The following IRAK3 variants were observed in gnomAD, a reference collection of about 807,000 sequenced individuals.
The protein encoded by IRAK3 is interleukin 1 receptor associated kinase 3, also known as interleukin-1 receptor-associated kinase 3.
Under a neutral mutation model 56.6 loss-of-function variants are expected in IRAK3, and 57 were observed. The ratio of observed to expected loss-of-function variants is 1.01; its 90% CI spans 0.81 to 1.26. The LOEUF (loss-of-function observed/expected upper bound fraction) is 1.26, where lower values mean the gene tolerates loss of function less well. IRAK3 is among the 50% of genes most tolerant of loss of function. The pLI is 0.00. For missense variants in IRAK3, 703 were observed against 719.0 expected (o/e 0.98, Z 0.25); for synonymous variants, 258 against 255.7 (o/e 1.01, Z -0.09).
intron 11 of IRAK3, 83 bp downstream of exon 11, chr12:66,245,345 A>T (rs1456373530): frequency 2.1e-6 from 3 of 1,416,926 alleles, no homozygotes; most frequent in Admixed American, 3.4e-5. Flanking sequence ...TATCTAAGTG[A>T]ATTATTTGTT....
chr12:66,198,210 T>G, intron 1 of IRAK3: 1 of 575,584 alleles, frequency 1.7e-6, no homozygotes, highest in East Asian at 1.4e-4. Context: ...GAAGTTAAGT[T>G]CATATGCTAA....
Position 66,233,994 on chromosome 12 carries a change from C to A in IRAK3, c.887+5624C>A. 3 of 1,501,278 alleles carry A rather than the reference C, an allele frequency of 2.0e-6. No individual in the cohort carries two copies. The South Asian group carries it at 3.5e-5, about 17-fold the overall frequency. The allele number at this position is 1,501,278 out of a possible 1,614,324, so 93.0% of individuals were successfully genotyped here. On this transcript the variant is annotated intron_variant, in intron 8 of 11. Transcript: ENST00000261233. ...AAATTGTCAATAATTTCCTAAAGCACAATTGATCAGAAAAATCCATGATTG... is the reference window on the plus strand; with the variant it reads ...AAATTGTCAATAATTTCCTAAAGCAAAATTGATCAGAAAAATCCATGATTG...
At chr12:66,200,643 G>A (rs1273230215) in intron 1 of IRAK3, among the ~76,000 whole-genome samples, 1 of 152,148 alleles carries the variant, frequency 6.6e-6, no homozygotes, top group African/African-American at 2.4e-5. Context: ...ATAAAGTTGA[G>A]GTAAATTGAA....
At position 66,228,236 on chromosome 12, in the gene IRAK3, G is replaced by T. The variant is rs767580609; in HGVS notation, c.769-16G>T. ...CTCAGAAAGTGCAACCAAACCAATT[G>T]CTGTTGTTGTTTTAGGGTGACACGG... On this transcript the variant is annotated splice_polypyrimidine_tract_variant and intron_variant, in intron 7 of 11. Coordinates refer to ENST00000261233, the MANE Select transcript of IRAK3 (RefSeq NM_007199.3). 8 of 1,577,836 alleles carry T rather than the reference G, an allele frequency of 5.1e-6. No homozygotes were observed. In the South Asian group the frequency reaches 8.9e-5, roughly 17 times the overall value.
intron 6 of IRAK3, among the ~76,000 whole-genome samples, chr12:66,220,161 C>G (rs898765031): frequency 6.6e-6 from 1 of 152,088 alleles, no homozygotes; most frequent in African/African-American, 2.4e-5. Context: ...ATGTTTTCTT[C>G]CAGATTTGTA....
Position 66,252,691 on chromosome 12 carries a change from TGGTTCTCCTGTCATA to T in IRAK3, c.*4524_*4538del, listed in dbSNP as rs2053112474. ...ATATGTAAGTGAATAAATCTCAGGG[TGGTTCTCCTGTCATA>T]GGTCCTGGCTCCTCTGCCAGCTCTT... On this transcript the variant is annotated 3_prime_UTR_variant, in exon 12 of 12. Transcript: ENST00000261233. 1 of 152,174 alleles carries T rather than the reference TGGTTCTCCTGTCATA, an allele frequency of 6.6e-6. No individual in the cohort carries two copies. The highest frequency in any genetic ancestry group is 2.4e-5 in the African/African-American group (1 of 41,428). 9.4% of individuals were successfully genotyped at this position (152,174 alleles called of 1,614,324 possible).
intron 11 of IRAK3, among the ~76,000 whole-genome samples, chr12:66,246,806 G>C (rs1457015962): frequency 1.3e-5 from 2 of 152,060 alleles, no homozygotes; most frequent in African/African-American, 2.4e-5. Context: ...GTATATGAAG[G>C]TATGTTGTAT....
intron 6 of IRAK3, among the ~76,000 whole-genome samples, chr12:66,222,051 CA>C (rs2052739456): frequency 1.3e-5 from 2 of 152,140 alleles, no homozygotes; most frequent in South Asian, 4.2e-4. Context: ...AACAAACAAA[CA>C]AAAAATGTTC....
chr12:66,226,752 C>A lies in IRAK3; in HGVS notation c.683C>A (p.Ala228Asp). Residue 228 changes from alanine (A) to aspartate (D), a missense_variant, in exon 7 of 12, where the codon GCT becomes GAT. Ala to Asp is a moderately radical substitution (Grantham distance 126). Transcript: ENST00000261233. ...CATCACCCAAACATACTAGAGTTGG[C>A]TGCATATTTTACAGAGACTGAGAAG... is the stretch of plus-strand genomic sequence containing the variant. ...LFHHPNILEL[A>D]AYFTETEKFC... 6.2e-7 allele frequency: 1 copy of A among 1,608,876 alleles called. No homozygotes were observed. The highest frequency in any genetic ancestry group is 1.1e-5 in the South Asian group (1 of 90,974).
In IRAK3 at chr12:66,254,379, ATAT is replaced by A. The variant is rs1335731714; in HGVS notation, c.*6213_*6215del. ...ATTGCTATGGATATATGTTCCCAAA[ATAT>A]TATTGAATCAAAAAGTAGACTACAG... On this transcript the variant is annotated 3_prime_UTR_variant, in exon 12 of 12. Coordinates refer to ENST00000261233, the MANE Select transcript of IRAK3 (RefSeq NM_007199.3). 6.6e-6 allele frequency: 1 copy of A among 152,186 alleles called. No individual in the cohort carries two copies. Among genetic ancestry groups the A allele is most frequent in the African/African-American group, 2.4e-5 (1 of 41,460 alleles). The allele number at this position is 152,186 out of a possible 1,614,324, so 9.4% of individuals were successfully genotyped here. A position where few individuals can be genotyped will look rare whatever the true frequency, so the allele number is the denominator to read the frequency against.
intron 1 of IRAK3, among the ~76,000 whole-genome samples, chr12:66,192,352 T>C (rs2052407201): frequency 6.6e-6 from 1 of 152,356 alleles, no homozygotes; most frequent in East Asian, 1.9e-4. Context: ...CATTGATGAC[T>C]TTATGGCTTT....
At chr12:66,223,721 TA>T (rs546394090) in intron 6 of IRAK3, among the ~76,000 whole-genome samples, 2,657 of 151,444 alleles carry the variant, frequency 0.018, 27 homozygotes, top group Middle Eastern at 0.048. Context: ...TTTTTATTTT[TA>T]TTTTTTTTTG....
chr12:66,238,412 G>C (rs2052930231), intron 8 of IRAK3, among the ~76,000 whole-genome samples: 1 of 152,220 alleles, frequency 6.6e-6, no homozygotes. Context: ...GAGGCTTACA[G>C]AGATTAGTGA....
At chr12:66,235,201 G>T in intron 8 of IRAK3, 1 of 1,613,126 alleles carries the variant, frequency 6.2e-7, no homozygotes. Flanking sequence ...CCATGGGGTG[G>T]GCTGGGACCA....
At chr12:66,218,395 A>T (rs2052698545) in intron 6 of IRAK3, among the ~76,000 whole-genome samples, 1 of 152,164 alleles carries the variant, frequency 6.6e-6, no homozygotes, top group African/African-American at 2.4e-5. Flanking sequence ...ATGTTATTTC[A>T]TACTTATTTG....
intron 8 of IRAK3, chr12:66,234,290 G>T (rs931919271): frequency 6.2e-7 from 1 of 1,612,782 alleles, no homozygotes; most frequent in Non-Finnish European, 8.5e-7. Context: ...GCTGATCATT[G>T]ATGCGGGCTG....
At chr12:66,239,238 T>C (rs1455054114) in intron 8 of IRAK3, among the ~76,000 whole-genome samples, 3 of 152,100 alleles carry the variant, frequency 2.0e-5, no homozygotes, top group Non-Finnish European at 4.4e-5. Context: ...GAAACAGTCT[T>C]TCATACAAGG....
At chr12:66,207,671 C>T (rs949478436) in intron 2 of IRAK3, among the ~76,000 whole-genome samples, 2 of 151,844 alleles carry the variant, frequency 1.3e-5, no homozygotes, top group Non-Finnish European at 2.9e-5. Context: ...TATAAATTTC[C>T]CTCTAAGCAT....
intron 7 of IRAK3, among the ~76,000 whole-genome samples, 156 bp from the exon 8 acceptor site, chr12:66,228,096 G>T (rs948675902): frequency 1.3e-5 from 2 of 152,086 alleles, no homozygotes; most frequent in Admixed American, 6.6e-5. Flanking sequence ...AAACCCATCT[G>T]GAATTAAAAA....
Sources: allele counts gnomAD v4.1 joint callset (sites outside exome capture counted in the v4.1 genomes callset), GRCh38; gene constraint gnomAD v4.1.1; transcripts MANE v1.5; gene names NCBI Gene and HGNC (gene_info 2026-07-23, HGNC 2026-07-21).